The following KCP variants were observed in gnomAD, a reference collection of about 807,000 sequenced individuals.
KCP encodes kielin/chordin-like protein.
A neutral mutation model predicts 212.7 loss-of-function variants in KCP; 194 were observed. The observed-to-expected ratio is 0.91, with a 90% confidence interval of 0.81 to 1.03. The LOEUF (loss-of-function observed/expected upper bound fraction) is 1.03. Ranked by LOEUF, KCP falls within the 50% of genes least tolerant of loss-of-function variation. The pLI is 0.00. For synonymous variants in KCP, 833 were observed against 865.3 expected, an observed-to-expected ratio of 0.96 and a Z score of 0.65; for missense variants, 2,080 against 2,162.5, an observed-to-expected ratio of 0.96 and a Z score of 0.76.
chr7:128,880,162 G>A lies in KCP; in HGVS notation c.3760-77C>T, dbSNP rs1189242788. The A allele has an allele frequency of 2.1e-6, 3 of 1,429,070 alleles. No individual in the cohort carries two copies. The African/African-American group carries it at 4.3e-5, about 20-fold the overall frequency. 88.5% of individuals were successfully genotyped at this position (1,429,070 alleles called of 1,614,324 possible). A position where few individuals can be genotyped will look rare whatever the true frequency, so the allele number is the denominator to read the frequency against. On this transcript the variant is annotated intron_variant, in intron 34 of 39. Transcript: ENST00000610776. ...CTCGCAGACCCTCCCAGAAAACCAA[G>A]CATCTCCCAGGAGTCTCCAGGGATC...
chr7:128,877,484 C>T lies in KCP; in HGVS notation c.4618G>A (p.Val1540Met). The change falls in exon 39 of 40, where the codon GTG becomes ATG. Residue 1540 changes from valine (V) to methionine (M), a missense_variant and splice_region_variant. Transcript: ENST00000610776. ...CCTGCAGCGGGCATCACCCCCTCAC[C>T]ACACAGCGTGGGGCCTCGCCAGGTA... ...TPTWRGPTLC[V>M]VGCPLERGFV... 1 of 1,551,018 alleles carries T rather than the reference C, an allele frequency of 6.4e-7. No homozygotes were observed. The highest frequency in any genetic ancestry group is 8.7e-7 in the Non-Finnish European group (1 of 1,146,888).
chr7:128,888,952 C>G lies in KCP; in HGVS notation c.2423G>C (p.Gly808Ala). 1 of 1,550,232 alleles carries G rather than the reference C, an allele frequency of 6.5e-7. No homozygotes were observed. Among genetic ancestry groups the G allele is most frequent in the Non-Finnish European group, 8.7e-7 (1 of 1,146,492 alleles). ...EPCNLCTCLG[G>A]FVTCGRRPCE... ...GGGCCGGCGGCCGCAGGTCACGAAG[C>G]CTCCAAGACAGGTACACAGGTTGCA... is the stretch of plus-strand genomic sequence containing the variant. The change falls in exon 22 of 40, where the codon GGC becomes GCC. Residue 808 changes from glycine (G) to alanine (A), a missense_variant. Coordinates refer to ENST00000610776, the MANE Select transcript of KCP (RefSeq NM_001366122.1).
chr7:128,886,506 G>C lies in KCP; in HGVS notation c.2824C>G (p.Leu942Val). The C allele has an allele frequency of 6.4e-7, 1 of 1,550,776 alleles. No homozygotes were observed. Among genetic ancestry groups the C allele is most frequent in the Non-Finnish European group, 8.7e-7 (1 of 1,146,572 alleles). The change falls in exon 26 of 40, where the codon CTC becomes GTC. Residue 942 changes from leucine (L) to valine (V), a missense_variant. Transcript: ENST00000610776. ...CAGCTCCCCCGCTCGGTGACCTGGA[G>C]CTTGCAGGGAAGGGGTGGGCACTGC... ...RLQCPPLPCKLQVTERGSCCP... is the reference protein window; with the variant it reads ...RLQCPPLPCKVQVTERGSCCP...
chr7:128,877,121 G>A lies in KCP; in HGVS notation c.4809C>T (p.Cys1603=). Reference sequence around the variant, plus strand: ...GGTCTCCAGTGAGCAGGACTTGGGGGCAGGCCTCGGGTGGGATGCAGTGGG... The same window carrying A: ...GGTCTCCAGTGAGCAGGACTTGGGGACAGGCCTCGGGTGGGATGCAGTGGG... The part of the protein sequence containing the change: ...HEAHCIPPEA[C]PQVLLTGDQP... The change falls in exon 40 of 40, where the codon TGC becomes TGT. Residue 1603 remains cysteine, a synonymous_variant. Transcript: ENST00000610776. 2 of 1,511,218 alleles carry A rather than the reference G, an allele frequency of 1.3e-6. No homozygotes were observed. The highest frequency in any genetic ancestry group is 2.5e-5 in the East Asian group (1 of 40,470). 93.6% of individuals were successfully genotyped at this position (1,511,218 alleles called of 1,614,324 possible).
Position 128,894,289 on chromosome 7 carries a change from C to G in KCP, c.836G>C (p.Gly279Ala), listed in dbSNP as rs773204127. ...DPCRICRCLE[G>A]HIQCRQRECA... ...TTCTCGCTGGCGGCACTGGATGTGA[C>G]CCTCCTGGTGGGGAGAATGAACAGG... The change falls in exon 9 of 40, where the codon GGT becomes GCT. Residue 279 changes from glycine (G) to alanine (A), a missense_variant. By Grantham distance (60) the Gly-to-Ala change is moderately conservative (BLOSUM62 0). Transcript: ENST00000610776. The G allele has an allele frequency of 5.2e-6, 8 of 1,537,778 alleles. No individual in the cohort carries two copies. The highest frequency in any genetic ancestry group is 1.2e-5 in the South Asian group (1 of 82,042).
intron 29 of KCP, among the ~76,000 whole-genome samples, chr7:128,882,864 G>T (rs947493019): frequency 6.6e-6 from 1 of 152,098 alleles, no homozygotes; most frequent in Non-Finnish European, 1.5e-5. Flanking sequence ...CTGAGGTCAG[G>T]AGTTCGAGAC....
rs558464836 is a variant in KCP, at chr7:128,880,192, G to A, written c.3760-107C>T. ...TCCCAGGAGTCTCCAGGGATCTCCAGGACTCTGGCTCCCAGGCTCCCTGTG... is the reference window on the plus strand; with the variant it reads ...TCCCAGGAGTCTCCAGGGATCTCCAAGACTCTGGCTCCCAGGCTCCCTGTG... On this transcript the variant is annotated intron_variant, in intron 34 of 39. Coordinates refer to ENST00000610776, the MANE Select transcript of KCP (RefSeq NM_001366122.1). The A allele has an allele frequency of 2.6e-4, 353 of 1,345,864 alleles. 4 individuals are homozygous for A. The South Asian group carries it at 4.7e-3, about 18-fold the overall frequency. The allele number at this position is 1,345,864 out of a possible 1,614,324, so 83.4% of individuals were successfully genotyped here.
intron 4 of KCP, among the ~76,000 whole-genome samples, chr7:128,906,817 AAAGTC>A (rs750196777): frequency 9.9e-5 from 15 of 151,934 alleles, no homozygotes; most frequent in African/African-American, 2.7e-4. Flanking sequence ...TTTGCCATTA[AAAGTC>A]ATGTCAAAAA....
chr7:128,892,410 T>A, intron 16 of KCP, 104 bp downstream of exon 16: 1 of 776,204 alleles, frequency 1.3e-6, no homozygotes. Flanking sequence ...ACTGAAACAA[T>A]TCAGAAGGCC....
intron 16 of KCP, 120 bp downstream of exon 16, chr7:128,892,394 A>G (rs1683957663): frequency 5.3e-6 from 4 of 756,558 alleles, no homozygotes; most frequent in Non-Finnish European, 8.5e-6. Context: ...TAAGCTCTGA[A>G]ACAAGACTGA....
Position 128,877,483 on chromosome 7 carries a change from C to T in KCP, c.4618+1G>A. 4 of 1,550,992 alleles carry T rather than the reference C, an allele frequency of 2.6e-6. No individual in the cohort carries two copies. The highest frequency in any genetic ancestry group is 3.5e-6 in the Non-Finnish European group (4 of 1,146,884). On this transcript the variant is annotated splice_donor_variant, in intron 39 of 39. Transcript: ENST00000610776. LOFTEE classifies it high-confidence loss of function. ...ACCTGCAGCGGGCATCACCCCCTCA[C>T]CACACAGCGTGGGGCCTCGCCAGGT... is the stretch of plus-strand genomic sequence containing the variant.
intron 5 of KCP, chr7:128,904,526 C>T: frequency 1.5e-6 from 1 of 666,694 alleles, no homozygotes; most frequent in Admixed American, 2.8e-5. Flanking sequence ...AGGCTTCAGC[C>T]CTGATGCCTG....
chr7:128,898,588 T>C (rs1794662455), intron 8 of KCP, among the ~76,000 whole-genome samples: 1 of 152,216 alleles, frequency 6.6e-6, no homozygotes. Context: ...AACATGTAAT[T>C]GAGACTACTG....
chr7:128,893,133 T>C, intron 13 of KCP, 105 bp downstream of exon 13: 2 of 1,186,906 alleles, frequency 1.7e-6, no homozygotes, highest in Non-Finnish European at 1.2e-6. Flanking sequence ...GTAGAATGGC[T>C]AGTGGACTTA....
chr7:128,907,136 A>G lies in KCP; in HGVS notation c.451T>C (p.Phe151Leu). The G allele has an allele frequency of 6.4e-7, 1 of 1,551,500 alleles. No homozygotes were observed. The highest frequency in any genetic ancestry group is 8.7e-7 in the Non-Finnish European group (1 of 1,146,896). Residue 151 changes from phenylalanine (F) to leucine (L), a missense_variant, in exon 4 of 40, where the codon TTC (phenylalanine) becomes CTC (leucine). By Grantham distance (22) the Phe-to-Leu change is conservative. Transcript: ENST00000610776. ...CAGGTGGTGCAGGCATCTGGGGAGA[A>G]GGTCTCCCCGTTGCCGTAGGTCTGG... ...NGQTYGNGET[F>L]SPDACTTCRC...
In KCP at chr7:128,891,257, C is replaced by T; in HGVS notation, c.1900G>A (p.Ala634Thr). 6.5e-7 allele frequency: 1 copy of T among 1,547,004 alleles called. No individual in the cohort carries two copies. The highest frequency in any genetic ancestry group is 8.7e-7 in the Non-Finnish European group (1 of 1,146,668). Reference sequence around the variant, plus strand: ...CAGGGCAGCGGCACGCAGCGGCGGGCCAGGCACTGCACGTTGCCGCTCTAC... The same window carrying T: ...CAGGGCAGCGGCACGCAGCGGCGGGTCAGGCACTGCACGTTGCCGCTCTAC... ...RCLSGNVQCL[A>T]RRCVPLPCPE... is the part of the protein sequence containing the mutation. Residue 634 changes from alanine to threonine, a missense_variant, in exon 19 of 40, where the codon GCC becomes ACC. Coordinates refer to ENST00000610776, the MANE Select transcript of KCP (RefSeq NM_001366122.1).
At chr7:128,903,177 G>A in intron 7 of KCP, 1 of 405,408 alleles carries the variant, frequency 2.5e-6, no homozygotes, top group Non-Finnish European at 4.5e-6. Context: ...CCGTGTCAGG[G>A]CCACGCCTGT....
Position 128,893,265 on chromosome 7 carries a change from G to T in KCP, c.1240C>A (p.Pro414Thr). 2 of 1,551,400 alleles carry T rather than the reference G, an allele frequency of 1.3e-6. No individual in the cohort carries two copies. The highest frequency in any genetic ancestry group is 1.7e-6 in the Non-Finnish European group (2 of 1,146,930). The change falls in exon 13 of 40, where the codon CCT (proline) becomes ACT (threonine). Residue 414 changes from proline to threonine, a missense_variant. Coordinates refer to ENST00000610776, the MANE Select transcript of KCP (RefSeq NM_001366122.1). ...GGGCAGAGCTGGCGGCCAGAGGCAG[G>T]CAGGGCACAGGGGGTGACTGGGCAC... ...QECPVTPCAL[P>T]ASGRQLCPAC...
At chr7:128,877,911 A>C (rs1322103933) in intron 38 of KCP, 121 bp from the exon 39 acceptor site, 1 of 855,728 alleles carries the variant, frequency 1.2e-6, no homozygotes, top group East Asian at 2.7e-5. Flanking sequence ...TCCCTAAAAG[A>C]ACAGCAAATG....
Sources: gnomAD v4.1 joint callset for allele counts (sites outside exome capture counted in the v4.1 genomes callset) on GRCh38, gnomAD v4.1.1 for gene constraint, MANE v1.5 for transcripts, NCBI Gene and HGNC (gene_info 2026-07-23, HGNC 2026-07-21) for gene names.